APPL2: variants seen among roughly 807,000 people sequenced by gnomAD.
APPL2 encodes the protein adaptor protein, phosphotyrosine interacting with PH domain and leucine zipper 2, also known as DCC-interacting protein 13-beta.
Under a neutral mutation model 92.7 loss-of-function variants are expected in APPL2, and 84 were observed. The observed-to-expected ratio is 0.91, with a 90% CI of 0.76 to 1.09. The LOEUF (loss-of-function observed/expected upper bound fraction) is 1.09. Among genes scored for constraint, APPL2 ranks in the 50% least tolerant of loss-of-function variants. The pLI, the probability that APPL2 is intolerant of heterozygous loss-of-function variation, is 0.00. For synonymous variants in APPL2, 291 were observed against 291.0 expected (o/e 1.00, Z 0.00); for missense variants, 736 against 824.5 (o/e 0.89, Z 1.31).
chr12:105,217,855 T>C (rs1330611358), intron 2 of APPL2, 130 bp from the exon 3 acceptor site: 2 of 745,404 alleles, frequency 2.7e-6, no homozygotes, highest in East Asian at 2.7e-5. Context: ...ATAATCCTAG[T>C]ACTTTGGGAG....
chr12:105,218,989 C>T (rs1889903904), intron 2 of APPL2, among the ~76,000 whole-genome samples: 1 of 152,196 alleles, frequency 6.6e-6, no homozygotes, highest in Admixed American at 6.5e-5. Context: ...TGTGGGCAGC[C>T]TAGAAAACTT....
intron 17 of APPL2, among the ~76,000 whole-genome samples, chr12:105,178,654 C>T (rs2135888071): frequency 6.6e-6 from 1 of 152,322 alleles, no homozygotes; most frequent in East Asian, 1.9e-4. Context: ...CCTGGCTACT[C>T]ACCTGATCTT....
At chr12:105,205,367 C>T (rs1054328628) in intron 8 of APPL2, among the ~76,000 whole-genome samples, 5 of 152,204 alleles carry the variant, frequency 3.3e-5, no homozygotes, top group Non-Finnish European at 7.3e-5. Context: ...AATGATGCTC[C>T]TGCCACTGAA....
rs775456695 is a variant in APPL2 at position 105,176,224 on chromosome 12, C to CA, written c.1813-143dup. 1.0e-5 allele frequency: 7 copies of CA among 680,106 alleles called. No individual in the cohort carries two copies. The East Asian group carries it at 2.2e-4, about 21-fold the overall frequency. The allele number at this position is 680,106 out of a possible 1,614,324, so 42.1% of individuals were successfully genotyped here. A position where few individuals can be genotyped will look rare whatever the true frequency, so the allele number is the denominator to read the frequency against. The stretch of plus-strand genomic sequence containing the variant: ...CAGGACCTGGCTGCAGGAGACTCAT[C>CA]ACATAGGGCCCGGGGCATTTGCGTC... On this transcript the variant is annotated intron_variant, in intron 19 of 20. Transcript: ENST00000258530.
intron 2 of APPL2, among the ~76,000 whole-genome samples, chr12:105,221,242 T>C (rs1890078773): frequency 6.6e-6 from 1 of 152,210 alleles, no homozygotes; most frequent in African/African-American, 2.4e-5. Flanking sequence ...GAGTAAATAT[T>C]AGCAATAACA....
At chr12:105,185,109 C>G (rs112443877) in intron 17 of APPL2, among the ~76,000 whole-genome samples, 4 of 152,286 alleles carry the variant, frequency 2.6e-5, no homozygotes, top group East Asian at 1.9e-4. Flanking sequence ...CCCTCCCCCC[C>G]ACCAAGCTCG....
chr12:105,206,289 T>C (rs966916758), intron 8 of APPL2, among the ~76,000 whole-genome samples: 4 of 152,204 alleles, frequency 2.6e-5, no homozygotes, highest in African/African-American at 9.6e-5. Context: ...TTAATAACAT[T>C]TTGCTTCCTC....
At chr12:105,208,105 C>T in intron 6 of APPL2, 53 bp downstream of exon 6, 1 of 1,613,652 alleles carries the variant, frequency 6.2e-7, no homozygotes, top group Non-Finnish European at 8.5e-7. Context: ...GGGTCTCCTC[C>T]CCGCCACAGT....
chr12:105,208,146 G>A lies in APPL2; in HGVS notation c.415+12C>T. The A allele has an allele frequency of 1.2e-6, 2 of 1,614,210 alleles. No homozygotes were observed. Among genetic ancestry groups the A allele is most frequent in the Non-Finnish European group, 1.7e-6 (2 of 1,180,014 alleles). Reference sequence around the variant, plus strand: ...CACACACCCACACACCAGGAATGGAGAAGGTGCCTACCATTGCTAGCGAGT... The same window carrying A: ...CACACACCCACACACCAGGAATGGAAAAGGTGCCTACCATTGCTAGCGAGT... On this transcript the variant is annotated intron_variant, in intron 6 of 20. Transcript: ENST00000258530.
intron 1 of APPL2, among the ~76,000 whole-genome samples, chr12:105,232,921 T>C (rs937590950): frequency 6.6e-6 from 1 of 152,156 alleles, no homozygotes; most frequent in Admixed American, 6.5e-5. Context: ...AAAGGCCTGA[T>C]TTGGTTGGAG....
intron 14 of APPL2, among the ~76,000 whole-genome samples, chr12:105,192,172 C>T (rs1040337113): frequency 3.3e-5 from 5 of 152,150 alleles, no homozygotes; most frequent in African/African-American, 7.2e-5. Flanking sequence ...TTTCCGTCTA[C>T]GCTTATCCAT....
At chr12:105,212,548 A>G (rs1392601487) in intron 4 of APPL2, among the ~76,000 whole-genome samples, 3 of 152,226 alleles carry the variant, frequency 2.0e-5, no homozygotes, top group Non-Finnish European at 2.9e-5. Context: ...TTTCCACTAC[A>G]TAGCCTGGGA....
At position 105,211,417 on chromosome 12, in the gene APPL2, C is replaced by T. The variant is rs768478934; in HGVS notation, c.286-100G>A. ...ATCACACTGAACACTTCCGTGTGGT[C>T]ACAGAGCTCAGGCAGACTTCCTCAG... is the stretch of plus-strand genomic sequence containing the variant. On this transcript the variant is annotated intron_variant, in intron 4 of 20. Transcript: ENST00000258530. The T allele has an allele frequency of 4.2e-4, 352 of 832,604 alleles. 1 individual carries two copies. Among genetic ancestry groups the T allele is most frequent in the Middle Eastern group, 4.1e-3 (18 of 4,346 alleles). The allele number at this position is 832,604 out of a possible 1,614,324, so 51.6% of individuals were successfully genotyped here. A position where few individuals can be genotyped will look rare whatever the true frequency, so the allele number is the denominator to read the frequency against.
chr12:105,207,599 T>C (rs1197513930), intron 7 of APPL2, among the ~76,000 whole-genome samples: 1 of 152,026 alleles, frequency 6.6e-6, no homozygotes, highest in East Asian at 1.9e-4. Flanking sequence ...TGCATGAAAA[T>C]AGTCAATATT....
intron 8 of APPL2, 100 bp downstream of exon 8, chr12:105,206,961 T>C (rs980400792): frequency 3.5e-6 from 5 of 1,429,286 alleles, no homozygotes; most frequent in East Asian, 2.4e-5. Context: ...TGTGCATTTA[T>C]GTTTCTTTCT....
intron 8 of APPL2, among the ~76,000 whole-genome samples, chr12:105,204,547 T>C (rs1191001578): frequency 6.6e-6 from 1 of 152,208 alleles, no homozygotes; most frequent in African/African-American, 2.4e-5. Flanking sequence ...CAGGGGACTG[T>C]TCTGGCCCCA....
At chr12:105,202,373 G>A (rs919135247) in intron 9 of APPL2, among the ~76,000 whole-genome samples, 2 of 152,202 alleles carry the variant, frequency 1.3e-5, no homozygotes, top group African/African-American at 4.8e-5. Flanking sequence ...GGAAGACAGA[G>A]GCTCTAGGAT....
At position 105,188,494 on chromosome 12, in the gene APPL2, CTGT is replaced by C. The variant is rs770019091; in HGVS notation, c.1460-50_1460-48del. On this transcript the variant is annotated intron_variant, in intron 16 of 20. Transcript: ENST00000258530. Reference sequence around the variant, plus strand: ...TCAGGATCTCATTTACTTCCTGCTGCTGTTGATCTGCATACCAGGGTCAGATGT... The same window carrying C: ...TCAGGATCTCATTTACTTCCTGCTGCTGATCTGCATACCAGGGTCAGATGT... 3 of 1,596,888 alleles carry C rather than the reference CTGT, an allele frequency of 1.9e-6. No homozygotes were observed. The South Asian group carries it at 3.3e-5, about 18-fold the overall frequency.
At chr12:105,193,125 C>T (rs1353575918) in intron 14 of APPL2, among the ~76,000 whole-genome samples, 1 of 152,074 alleles carries the variant, frequency 6.6e-6, no homozygotes, top group African/African-American at 2.4e-5. Context: ...ATTTTTTTTC[C>T]CCCCAGGGAG....
Sources: allele counts gnomAD v4.1 joint callset (sites outside exome capture counted in the v4.1 genomes callset), GRCh38; gene constraint gnomAD v4.1.1; transcripts MANE v1.5; gene names NCBI Gene and HGNC (gene_info 2026-07-23, HGNC 2026-07-21).